The following CNTNAP2 variants were observed in gnomAD, a reference collection of about 807,000 sequenced individuals.
CNTNAP2 encodes the protein contactin associated protein 2, also known as contactin-associated protein-like 2.
In CNTNAP2, 98 loss-of-function variants were observed where a neutral mutation model predicts 155.2. The ratio of observed to expected loss-of-function variants is 0.63; its 90% CI spans 0.54 to 0.75. The LOEUF (loss-of-function observed/expected upper bound fraction) is 0.75, where lower values mean the gene tolerates loss of function less well. Ranked by LOEUF, CNTNAP2 falls within the 30% of genes least tolerant of loss-of-function variation. The pLI is 0.00. For synonymous variants in CNTNAP2, 651 were observed against 631.2 expected, an observed-to-expected ratio of 1.03 and a Z score of -0.47; for missense variants, 1,727 against 1,688.1, an observed-to-expected ratio of 1.02 and a Z score of -0.40.
At chr7:148,098,478 G>C (rs750246735) in intron 15 of CNTNAP2, among the ~76,000 whole-genome samples, 73 of 126,796 alleles carry the variant, frequency 5.8e-4, no homozygotes, top group Non-Finnish European at 9.5e-5. Context: ...AAGCATGCTT[G>C]TGTGACTGGA....
chr7:147,400,088 CTT>C (rs1247071711), intron 10 of CNTNAP2, among the ~76,000 whole-genome samples: 1 of 152,170 alleles, frequency 6.6e-6, no homozygotes, highest in East Asian at 1.9e-4. Flanking sequence ...TGACTCAACT[CTT>C]ATTCTCAATC....
intron 1 of CNTNAP2, among the ~76,000 whole-genome samples, chr7:146,448,975 A>G (rs767106684): frequency 3.9e-5 from 6 of 152,064 alleles, no homozygotes; most frequent in Non-Finnish European, 7.4e-5. Flanking sequence ...ATCTGTTATT[A>G]CAGTGCCACA....
At chr7:147,249,182 C>T (rs1035910364) in intron 8 of CNTNAP2, among the ~76,000 whole-genome samples, 2 of 152,010 alleles carry the variant, frequency 1.3e-5, no homozygotes, top group Admixed American at 1.3e-4. Context: ...TGGAAAATTT[C>T]CAGGGACTCT....
intron 13 of CNTNAP2, among the ~76,000 whole-genome samples, chr7:147,802,806 A>G (rs1425786566): frequency 4.8e-5 from 7 of 146,648 alleles, no homozygotes; most frequent in Non-Finnish European, 7.6e-5. Context: ...GGAGAGGGAG[A>G]GGGAGAGGGA....
intron 1 of CNTNAP2, among the ~76,000 whole-genome samples, chr7:146,374,561 C>T (rs2129103436): frequency 6.6e-6 from 1 of 152,236 alleles, no homozygotes; most frequent in East Asian, 1.9e-4. Context: ...TTTGATGTAG[C>T]TGAATAAGTG....
chr7:146,152,288 T>C (rs1798063743), intron 1 of CNTNAP2, among the ~76,000 whole-genome samples: 2 of 152,072 alleles, frequency 1.3e-5, no homozygotes, highest in Admixed American at 6.6e-5. Context: ...CTGCATTATC[T>C]CACTCATATG....
intron 12 of CNTNAP2, among the ~76,000 whole-genome samples, chr7:147,578,425 G>A (rs568288484): frequency 3.3e-5 from 5 of 152,050 alleles, no homozygotes; most frequent in Admixed American, 6.6e-5. Context: ...TTTTGGTGCC[G>A]GTTCAATTTG....
intron 3 of CNTNAP2, among the ~76,000 whole-genome samples, chr7:146,921,777 C>T (rs1796505038): frequency 6.6e-6 from 1 of 151,920 alleles, no homozygotes; most frequent in African/African-American, 2.4e-5. Context: ...GCCTGAGTCT[C>T]CTAAGGAAAG....
At chr7:147,137,875 A>AGATAGAT (rs1324359920) in intron 8 of CNTNAP2, among the ~76,000 whole-genome samples, 1 of 81,690 alleles carries the variant, frequency 1.2e-5, no homozygotes, top group African/African-American at 4.9e-5. Flanking sequence ...ATAGATACGT[A>AGATAGAT]GATAGATAGA....
chr7:146,442,930 G>C (rs1208355361), intron 1 of CNTNAP2, among the ~76,000 whole-genome samples: 1 of 152,114 alleles, frequency 6.6e-6, no homozygotes, highest in Non-Finnish European at 1.5e-5. Context: ...ACATGGGCCG[G>C]GCGCGGTGGC....
intron 1 of CNTNAP2, among the ~76,000 whole-genome samples, chr7:146,377,299 T>A (rs1456462960): frequency 6.6e-6 from 1 of 152,196 alleles, no homozygotes; most frequent in Non-Finnish European, 1.5e-5. Flanking sequence ...TTAGCCCAAG[T>A]GTTCCACATG....
At chr7:148,105,895 C>T (rs1804204308) in intron 15 of CNTNAP2, among the ~76,000 whole-genome samples, 1 of 152,150 alleles carries the variant, frequency 6.6e-6, no homozygotes, top group African/African-American at 2.4e-5. Flanking sequence ...CCTTGTTTTG[C>T]ATTTTAGATG....
At chr7:148,298,726 C>T (rs1052309769) in intron 21 of CNTNAP2, among the ~76,000 whole-genome samples, 6 of 152,172 alleles carry the variant, frequency 3.9e-5, no homozygotes, top group African/African-American at 1.4e-4. Context: ...GGGTCTCACT[C>T]TGTCACCCAG....
At chr7:146,782,054 A>G (rs1030121862) in intron 2 of CNTNAP2, among the ~76,000 whole-genome samples, 1 of 152,204 alleles carries the variant, frequency 6.6e-6, no homozygotes, top group African/African-American at 2.4e-5. Flanking sequence ...CTTAGAATAT[A>G]ACATCAAGGC....
chr7:147,105,568 T>C (rs1447880974), intron 4 of CNTNAP2, among the ~76,000 whole-genome samples: 3 of 152,044 alleles, frequency 2.0e-5, no homozygotes, highest in African/African-American at 7.2e-5. Context: ...GTTCTTTACA[T>C]TGTTGTAGAA....
At chr7:146,615,619 T>G (rs1488116232) in intron 1 of CNTNAP2, among the ~76,000 whole-genome samples, 1 of 152,198 alleles carries the variant, frequency 6.6e-6, no homozygotes, top group Admixed American at 6.5e-5. Flanking sequence ...CCTGAGACTC[T>G]TTCTGAAGGC....
chr7:147,987,137 T>A (rs973784070), intron 15 of CNTNAP2, among the ~76,000 whole-genome samples: 2 of 152,198 alleles, frequency 1.3e-5, no homozygotes, highest in Admixed American at 6.5e-5. Context: ...CATTAATGGA[T>A]TGAGCCCACC....
intron 1 of CNTNAP2, among the ~76,000 whole-genome samples, chr7:146,523,709 T>C (rs1797648343): frequency 6.6e-6 from 1 of 152,164 alleles, no homozygotes; most frequent in Admixed American, 6.5e-5. Context: ...AAATGGTGAA[T>C]GCCTATTGTT....
intron 13 of CNTNAP2, among the ~76,000 whole-genome samples, chr7:147,767,570 T>A (rs1224946509): frequency 1.3e-5 from 2 of 152,114 alleles, no homozygotes; most frequent in Non-Finnish European, 2.9e-5. Context: ...TGCCACTAAA[T>A]AATATTATTG....
Sources: allele counts gnomAD v4.1 joint callset (sites outside exome capture counted in the v4.1 genomes callset), GRCh38; gene constraint gnomAD v4.1.1; transcripts MANE v1.5; gene names NCBI Gene and HGNC (gene_info 2026-07-23, HGNC 2026-07-21).